Variants in FILIP1 observed in about 807,000 individuals in gnomAD.
The protein encoded by FILIP1 is filamin-A-interacting protein 1.
In FILIP1, 61 loss-of-function variants were observed where a neutral mutation model predicts 102.1. That is an observed-to-expected ratio of 0.60 (90% CI 0.49 to 0.74). FILIP1 has a LOEUF of 0.74. Ranked by LOEUF, FILIP1 falls within the 30% of genes least tolerant of loss-of-function variation. The pLI is 0.00. For synonymous variants in FILIP1, 491 were observed against 526.9 expected (o/e 0.93, Z 0.93); for missense variants, 1,314 against 1,441.2 (o/e 0.91, Z 1.43).
intron 4 of FILIP1, among the ~76,000 whole-genome samples, chr6:75,338,834 T>G (rs1029611650): frequency 1.3e-5 from 2 of 152,150 alleles, no homozygotes; most frequent in Admixed American, 1.3e-4. Context: ...TCAATCCAAC[T>G]AGTTTGGAAT....
intron 4 of FILIP1, 46 bp from the exon 5 acceptor site, chr6:75,315,248 C>A: frequency 8.0e-7 from 1 of 1,244,288 alleles, no homozygotes; most frequent in Non-Finnish European, 1.1e-6. Context: ...AATCAGCAAA[C>A]AGATTTAAGC....
intron 1 of FILIP1, among the ~76,000 whole-genome samples, chr6:75,468,982 C>A (rs2149760899): frequency 6.6e-6 from 1 of 151,900 alleles, no homozygotes; most frequent in South Asian, 2.1e-4. Context: ...ATGAAGGAAC[C>A]AGAAACTTTA....
chr6:75,425,008 CT>C (rs1193957629), intron 1 of FILIP1, among the ~76,000 whole-genome samples: 2 of 152,110 alleles, frequency 1.3e-5, no homozygotes, highest in African/African-American at 4.8e-5. Context: ...CAAGTTGTGT[CT>C]TTTTTGAACT....
chr6:75,369,493 C>G (rs903708253), intron 2 of FILIP1, among the ~76,000 whole-genome samples: 2 of 152,098 alleles, frequency 1.3e-5, no homozygotes, highest in East Asian at 3.9e-4. Context: ...CACAACTTAG[C>G]TTTTTTTAAA....
chr6:75,295,620 T>C, exon 7 of FILIP1: 1 of 252,504 alleles, frequency 4.0e-6, no homozygotes, highest in East Asian at 7.1e-5. Context: ...CATTACAAAA[T>C]GTATTATAAA....
chr6:75,315,211 T>G lies in FILIP1; in HGVS notation c.630-9A>C, dbSNP rs1362903179. 1 of 1,507,556 alleles carries G rather than the reference T, an allele frequency of 6.6e-7. No homozygotes were observed. The highest frequency in any genetic ancestry group is 8.9e-7 in the Non-Finnish European group (1 of 1,128,596). The allele number at this position is 1,507,556 out of a possible 1,614,324, so 93.4% of individuals were successfully genotyped here. On this transcript the variant is annotated splice_polypyrimidine_tract_variant and intron_variant, in intron 4 of 5. Transcript: ENST00000237172. ...CAAGGAGCTTTTTTAACCTAGAAAA[T>G]AAAATATACCTATATGTTAAAAGAG...
At chr6:75,344,412 T>C (rs780491557) in intron 4 of FILIP1, among the ~76,000 whole-genome samples, 23 of 152,238 alleles carry the variant, frequency 1.5e-4, no homozygotes, top group Admixed American at 1.1e-3. Flanking sequence ...TGAGTCAACA[T>C]TGAAAAACTG....
At chr6:75,440,274 C>T (rs1778168242) in intron 1 of FILIP1, among the ~76,000 whole-genome samples, 1 of 152,136 alleles carries the variant, frequency 6.6e-6, no homozygotes. Flanking sequence ...ACAAGCTGAT[C>T]TTTTAAAATG....
chr6:75,346,782 C>A (rs1309582340), intron 4 of FILIP1, among the ~76,000 whole-genome samples: 1 of 152,146 alleles, frequency 6.6e-6, no homozygotes, highest in Non-Finnish European at 1.5e-5. Context: ...GCCTCCTTTA[C>A]TTTAATTACA....
chr6:75,442,619 C>G (rs1261800677), intron 1 of FILIP1, among the ~76,000 whole-genome samples: 1 of 152,254 alleles, frequency 6.6e-6, no homozygotes, highest in African/African-American at 2.4e-5. Context: ...TCAGGTGTGG[C>G]AGCGCGCGCC....
At chr6:75,348,701 G>A (rs1302354598) in intron 4 of FILIP1, among the ~76,000 whole-genome samples, 12 of 152,130 alleles carry the variant, frequency 7.9e-5, no homozygotes, top group East Asian at 1.9e-4. Context: ...TTTATTAAGC[G>A]CCCCCATAAA....
intron 1 of FILIP1, among the ~76,000 whole-genome samples, chr6:75,456,741 G>A (rs111944686): frequency 6.6e-6 from 1 of 151,920 alleles, no homozygotes; most frequent in African/African-American, 2.4e-5. Context: ...TGTATTTTTA[G>A]TAGAGACGGG....
At chr6:75,292,772 C>T (rs1772574462) in exon 7 of FILIP1, 1 of 152,086 alleles carries the variant, frequency 6.6e-6, no homozygotes, top group Non-Finnish European at 1.5e-5. Flanking sequence ...ATTAACACAC[C>T]CTACTTTTGC....
intron 2 of FILIP1, among the ~76,000 whole-genome samples, chr6:75,382,284 G>C (rs1562526291): frequency 6.6e-6 from 1 of 152,222 alleles, no homozygotes; most frequent in Non-Finnish European, 1.5e-5. Flanking sequence ...CCAAGCCACT[G>C]CTGCTGGGAG....
intron 1 of FILIP1, among the ~76,000 whole-genome samples, chr6:75,469,536 G>C (rs1469188881): frequency 6.6e-6 from 1 of 151,960 alleles, no homozygotes; most frequent in Non-Finnish European, 1.5e-5. Context: ...AAAAAAGAAT[G>C]TGCATTAGCT....
intron 4 of FILIP1, among the ~76,000 whole-genome samples, chr6:75,320,964 C>T (rs1486625208): frequency 6.6e-6 from 1 of 152,210 alleles, no homozygotes; most frequent in Admixed American, 6.5e-5. Flanking sequence ...AGTATTAGAA[C>T]AGGCTGAATT....
In FILIP1 at chr6:75,314,243, T is replaced by C. The variant is rs772295141; in HGVS notation, c.1589A>G (p.Asn530Ser). The C allele has an allele frequency of 1.9e-6, 3 of 1,563,876 alleles. No homozygotes were observed. Among genetic ancestry groups the C allele is most frequent in the Non-Finnish European group, 2.6e-6 (3 of 1,165,676 alleles). ...TCCTTGTTCCACCTTAAAATTTTTA[T>C]TGAGTCCATCCACTTTTCTCTCTTC... ...KQEERKVDGL[N>S]KNFKVEQGKV... The change falls in exon 5 of 6, where the codon AAT becomes AGT. Residue 530 changes from asparagine to serine, a missense_variant. By Grantham distance (46) the Asn-to-Ser change is conservative. Around this residue, in one of 3 missense-constraint regions of FILIP1, gnomAD observed 816 missense variants for 913.1 expected, o/e 0.89. Transcript: ENST00000237172.
At chr6:75,445,114 T>C (rs1171854995) in intron 1 of FILIP1, among the ~76,000 whole-genome samples, 1 of 152,092 alleles carries the variant, frequency 6.6e-6, no homozygotes, top group Non-Finnish European at 1.5e-5. Flanking sequence ...TCCTCCCATC[T>C]CTGCAATAAC....
chr6:75,419,192 C>A (rs1217009904), intron 1 of FILIP1, among the ~76,000 whole-genome samples: 1 of 152,144 alleles, frequency 6.6e-6, no homozygotes, highest in Non-Finnish European at 1.5e-5. Context: ...ACTTCCTTAG[C>A]TCTTGCAAAT....
Sources: allele counts gnomAD v4.1 joint callset (sites outside exome capture counted in the v4.1 genomes callset), GRCh38; gene constraint gnomAD v4.1.1; regional missense constraint gnomAD v4.1.1; transcripts MANE v1.5; gene names NCBI Gene and HGNC (gene_info 2026-07-23, HGNC 2026-07-21).